The following BAZ1B variants were observed in gnomAD, a reference collection of about 807,000 sequenced individuals.
BAZ1B encodes the protein tyrosine-protein kinase BAZ1B.
Under a neutral mutation model 153.8 loss-of-function variants are expected in BAZ1B, and 22 were observed. That is an observed-to-expected ratio of 0.14 (90% CI 0.10 to 0.20). The LOEUF (loss-of-function observed/expected upper bound fraction) is 0.20, where lower values mean the gene tolerates loss of function less well. BAZ1B is among the 10% of genes least tolerant of loss of function. BAZ1B has a pLI of 1.00. For missense variants in BAZ1B, 1,325 were observed against 1,799.3 expected (o/e 0.74, Z 4.77); for synonymous variants, 676 against 633.4 (o/e 1.07, Z -1.01).
intron 4 of BAZ1B, 95 bp downstream of exon 4, chr7:73,498,402 C>A (rs36112002): frequency 2.2e-4 from 259 of 1,182,572 alleles, no homozygotes; most frequent in Non-Finnish European, 2.9e-4. Flanking sequence ...CATAAAAAAT[C>A]ACACATTTAG....
chr7:73,450,786 C>G lies in BAZ1B; in HGVS notation c.3580+61G>C. The G allele has an allele frequency of 6.4e-7, 1 of 1,573,306 alleles. No individual in the cohort carries two copies. The highest frequency in any genetic ancestry group is 8.7e-7 in the Non-Finnish European group (1 of 1,147,468). On this transcript the variant is annotated intron_variant, in intron 14 of 19. Transcript: ENST00000339594. The surrounding 1 kb of genome is among the most constrained non-coding windows in gnomAD (Gnocchi z 4.1). ...AATTCTTTTGGGTAGAAATGAAGAT[C>G]TTGGGAATAGAAATCCTACTCCCTA...
intron 13 of BAZ1B, among the ~76,000 whole-genome samples, 179 bp downstream of exon 13, chr7:73,459,357 G>A (rs1481930675): frequency 1.3e-5 from 2 of 151,068 alleles, no homozygotes; most frequent in African/African-American, 2.4e-5. Context: ...CCACAGGCCA[G>A]TGTGAAAACC....
intron 13 of BAZ1B, among the ~76,000 whole-genome samples, chr7:73,452,526 A>C (rs1228742839): frequency 1.3e-5 from 2 of 152,144 alleles, no homozygotes; most frequent in African/African-American, 4.8e-5. Flanking sequence ...GTTCGAGACC[A>C]GCCTGGCCAA....
chr7:73,480,862 CTT>C (rs1229288565), intron 6 of BAZ1B, among the ~76,000 whole-genome samples: 1 of 152,202 alleles, frequency 6.6e-6, no homozygotes, highest in Non-Finnish European at 1.5e-5. Flanking sequence ...CACCTATGCT[CTT>C]GTTAGGAGAA....
chr7:73,521,783 G>A (rs925155390), intron 1 of BAZ1B, 44 bp downstream of exon 1: 5 of 1,451,868 alleles, frequency 3.4e-6, no homozygotes, highest in South Asian at 1.3e-5. Context: ...CCCTACCCCG[G>A]CCCAGCCCGG....
At chr7:73,473,146 T>C (rs941545476) in intron 7 of BAZ1B, among the ~76,000 whole-genome samples, 1 of 152,128 alleles carries the variant, frequency 6.6e-6, no homozygotes, top group Non-Finnish European at 1.5e-5. Flanking sequence ...TTCACCGTGT[T>C]GGCCAGAATG....
rs1239136551 is a variant in BAZ1B at position 73,478,287 on chromosome 7, T to C, written c.1174A>G (p.Lys392Glu). Reference sequence around the variant, plus strand: ...TTGTCACTGTGCTTCCCTGGTTTCTTGGCAGGTGGGCCTTTTTTAGGAATG... The same window carrying C: ...TTGTCACTGTGCTTCCCTGGTTTCTCGGCAGGTGGGCCTTTTTTAGGAATG... ...FHIPKKGPPA[K>E]KPGKHSDKPL... The change falls in exon 7 of 20, where the codon AAG becomes GAG. Residue 392 changes from lysine to glutamate, a missense_variant. This residue lies in a region of BAZ1B where 219 missense variants were observed against 248.2 expected (regional missense o/e 0.88). Coordinates refer to ENST00000339594, the MANE Select transcript of BAZ1B (RefSeq NM_032408.4). 4 of 1,614,248 alleles carry C rather than the reference T, an allele frequency of 2.5e-6. No homozygotes were observed. Among genetic ancestry groups the C allele is most frequent in the Non-Finnish European group, 2.5e-6 (3 of 1,180,034 alleles).
chr7:73,475,618 G>GGGCCAGGCATGGTGGCT (rs1788966972), intron 7 of BAZ1B, among the ~76,000 whole-genome samples: 1 of 152,148 alleles, frequency 6.6e-6, no homozygotes, highest in Non-Finnish European at 1.5e-5. Context: ...AAATGTTTTG[G>GGGCCAGGCATGGTGGCT]GGCCAGGCAT....
intron 1 of BAZ1B, 91 bp downstream of exon 1, chr7:73,521,735 CG>C: frequency 1.8e-6 from 2 of 1,108,322 alleles, no homozygotes; most frequent in Non-Finnish European, 1.2e-6. Flanking sequence ...TGCCCCGGGC[CG>C]GGGATGCGCG....
intron 1 of BAZ1B, among the ~76,000 whole-genome samples, chr7:73,514,236 A>C (rs1431032913): frequency 6.6e-6 from 1 of 152,170 alleles, no homozygotes; most frequent in East Asian, 1.9e-4. Flanking sequence ...CAAAACAAAA[A>C]AAAGTAGGGG....
intron 1 of BAZ1B, 92 bp downstream of exon 1, chr7:73,521,735 C>G (rs960803574): frequency 1.8e-6 from 2 of 1,108,216 alleles, no homozygotes; most frequent in Non-Finnish European, 2.4e-6. Flanking sequence ...TGCCCCGGGC[C>G]GGGGATGCGC....
chr7:73,508,496 A>C, intron 2 of BAZ1B, 25 bp from the exon 3 acceptor site: 1 of 1,583,870 alleles, frequency 6.3e-7, no homozygotes, highest in Non-Finnish European at 8.6e-7. Flanking sequence ...TTAGTTATCA[A>C]GAAAACACAG....
At chr7:73,443,944 A>G in intron 17 of BAZ1B, 40 bp downstream of exon 17, 1 of 1,611,388 alleles carries the variant, frequency 6.2e-7, no homozygotes, top group East Asian at 2.2e-5. Context: ...AGGGAATAAG[A>G]AACAGAAAGG....
intron 6 of BAZ1B, among the ~76,000 whole-genome samples, chr7:73,487,051 C>T (rs1789439355): frequency 6.6e-6 from 1 of 152,116 alleles, no homozygotes; most frequent in Non-Finnish European, 1.5e-5. Flanking sequence ...CTTTGTAGAC[C>T]AGTATTTTAC....
chr7:73,463,599 G>A (rs1439491435), intron 11 of BAZ1B, among the ~76,000 whole-genome samples: 1 of 152,004 alleles, frequency 6.6e-6, no homozygotes, highest in South Asian at 2.1e-4. Flanking sequence ...AACAAAACAG[G>A]TCTTTTCAAT....
intron 12 of BAZ1B, among the ~76,000 whole-genome samples, chr7:73,461,511 G>A (rs556589608): frequency 3.3e-5 from 5 of 152,030 alleles, no homozygotes; most frequent in Non-Finnish European, 7.4e-5. Flanking sequence ...AAGTAAACAT[G>A]TAACATCTGA....
intron 1 of BAZ1B, among the ~76,000 whole-genome samples, chr7:73,521,233 G>T (rs939253713): frequency 6.6e-6 from 1 of 151,970 alleles, no homozygotes; most frequent in African/African-American, 2.4e-5. Flanking sequence ...TCCTCTAAGC[G>T]GGGAATCTCA....
rs1199179065 is a variant in BAZ1B, at chr7:73,463,087, A to T, written c.3084T>A (p.Ile1028=). 1.7e-5 allele frequency: 27 copies of T among 1,612,970 alleles called. No homozygotes were observed. The highest frequency in any genetic ancestry group is 2.2e-5 in the Non-Finnish European group (26 of 1,179,634). The stretch of plus-strand genomic sequence containing the variant: ...TCCGTGCTAGATGAATAGAGTGAAT[A>T]ATGTCCTGGTACCTAGAAGATTTGG... The part of the protein sequence containing the change: ...KERLEKRYQD[I]IHSIHLARKP... Residue 1028 remains isoleucine (I), a synonymous_variant, in exon 12 of 20, where the codon ATT becomes ATA. Transcript: ENST00000339594.
chr7:73,445,179 T>C (rs781807870), intron 16 of BAZ1B, among the ~76,000 whole-genome samples: 2 of 152,030 alleles, frequency 1.3e-5, no homozygotes, highest in African/African-American at 4.8e-5. Flanking sequence ...CACCTTCCCT[T>C]GGGGAGTGGG....
Sources: allele counts gnomAD v4.1 joint callset (sites outside exome capture counted in the v4.1 genomes callset), GRCh38; gene constraint gnomAD v4.1.1; regional missense constraint gnomAD v4.1.1; non-coding constraint Gnocchi (gnomAD v3.1); transcripts MANE v1.5; gene names NCBI Gene and HGNC (gene_info 2026-07-23, HGNC 2026-07-21).